SYT1: variants seen among roughly 807,000 people sequenced by gnomAD.
The protein encoded by SYT1 is synaptotagmin-1.
In SYT1, 8 loss-of-function variants were observed where a neutral mutation model predicts 44.8. That is an observed-to-expected ratio of 0.18 (90% CI 0.10 to 0.32). SYT1 has a LOEUF of 0.32. Ranked by LOEUF, SYT1 falls within the 10% of genes least tolerant of loss-of-function variation. The pLI is 1.00. For synonymous variants in SYT1, 154 were observed against 188.8 expected (o/e 0.82, Z 1.51); for missense variants, 286 against 509.3 (o/e 0.56, Z 4.22).
intron 1 of SYT1, among the ~76,000 whole-genome samples, chr12:78,875,232 G>C (rs1338780679): frequency 6.6e-6 from 1 of 151,522 alleles, no homozygotes; most frequent in Non-Finnish European, 1.5e-5. Flanking sequence ...TATTTCTTCG[G>C]TAAGTATGAT....
intron 8 of SYT1, among the ~76,000 whole-genome samples, chr12:79,341,710 C>T (rs1408203634): frequency 8.2e-6 from 1 of 122,584 alleles, no homozygotes; most frequent in Non-Finnish European, 1.6e-5. Context: ...GCTCTGTTGC[C>T]TAGGCTGGAG....
In SYT1 at chr12:79,140,708, C is replaced by T. The variant is rs145411148; in HGVS notation, c.-17-76795C>T. Among the ~76,000 whole-genome samples, 22 of 152,282 alleles carry T rather than the reference C, an allele frequency of 1.4e-4. No homozygotes were observed. In the East Asian group the frequency reaches 2.9e-3, roughly 20 times the overall value. On this transcript the variant is annotated intron_variant, in intron 3 of 10. Coordinates refer to ENST00000261205, the MANE Select transcript of SYT1 (RefSeq NM_005639.3). ...TAGGAATTGTTAGTTTTACAAGCTC[C>T]TCATACATGCTGAAGTTTGGAAATC...
In SYT1 at chr12:79,223,705, C is replaced by T. The variant is rs111513026; in HGVS notation, c.166+6020C>T. ...AACTGATACCAACCCAGTGGCGATA[C>T]ATACCAGAGATCGAGTTTGCCATAC... On this transcript the variant is annotated intron_variant, in intron 4 of 10. Coordinates refer to ENST00000261205, the MANE Select transcript of SYT1 (RefSeq NM_005639.3). Among the ~76,000 whole-genome samples the T allele has an allele frequency of 8.9e-4, 135 of 152,340 alleles. 1 individual carries two copies. Among genetic ancestry groups the T allele is most frequent in the African/African-American group, 3.1e-3 (130 of 41,580 alleles).
chr12:79,218,455 A>G (rs1182054850), intron 4 of SYT1, among the ~76,000 whole-genome samples: 1 of 152,204 alleles, frequency 6.6e-6, no homozygotes, highest in Non-Finnish European at 1.5e-5. Context: ...CATGTTGTGC[A>G]AAAGATCTCT....
At chr12:78,995,018 G>A (rs572265606) in intron 2 of SYT1, among the ~76,000 whole-genome samples, 1 of 152,188 alleles carries the variant, frequency 6.6e-6, no homozygotes, top group South Asian at 2.1e-4. Context: ...GGAAGCCAGC[G>A]ATTCTCCACC....
At chr12:79,147,523 A>G (rs1223939993) in intron 3 of SYT1, among the ~76,000 whole-genome samples, 2 of 152,230 alleles carry the variant, frequency 1.3e-5, no homozygotes, top group South Asian at 2.1e-4. Context: ...GTTCGTTACA[A>G]TAATTGTAAC....
intron 1 of SYT1, among the ~76,000 whole-genome samples, chr12:78,869,227 C>T (rs1873696218): frequency 6.6e-6 from 1 of 151,670 alleles, no homozygotes; most frequent in South Asian, 2.1e-4. Flanking sequence ...AAAAGATAAC[C>T]AGCATTTTTC....
At chr12:79,045,428 C>T (rs1291517267) in intron 2 of SYT1, 1 of 154,406 alleles carries the variant, frequency 6.5e-6, no homozygotes, top group Non-Finnish European at 1.4e-5. Flanking sequence ...AAAGGGAACT[C>T]CCTGACCCCT....
At chr12:79,323,733 G>C (rs1002783177) in intron 8 of SYT1, among the ~76,000 whole-genome samples, 1 of 151,518 alleles carries the variant, frequency 6.6e-6, no homozygotes, top group Admixed American at 6.6e-5. Context: ...TGACTTCATG[G>C]AATATTAGAT....
At chr12:79,441,850 A>G (rs1227882574) in intron 9 of SYT1, among the ~76,000 whole-genome samples, 1 of 152,300 alleles carries the variant, frequency 6.6e-6, no homozygotes, top group East Asian at 1.9e-4. Context: ...GCATCACCAT[A>G]CAGCCAAATG....
intron 1 of SYT1, among the ~76,000 whole-genome samples, chr12:78,876,632 C>G (rs549304757): frequency 7.6e-6 from 1 of 132,016 alleles, no homozygotes; most frequent in African/African-American, 2.8e-5. Context: ...TATATACACA[C>G]GTGTACACAT....
At chr12:79,361,473 A>C (rs1883312750) in intron 9 of SYT1, among the ~76,000 whole-genome samples, 1 of 152,174 alleles carries the variant, frequency 6.6e-6, no homozygotes, top group Non-Finnish European at 1.5e-5. Context: ...GCAGTTTGAA[A>C]GATGTCCAAA....
chr12:79,292,432 A>G (rs1879633542), intron 6 of SYT1, among the ~76,000 whole-genome samples: 1 of 152,160 alleles, frequency 6.6e-6, no homozygotes, highest in Non-Finnish European at 1.5e-5. Context: ...CCACAGTCTC[A>G]CCTTCTCAGC....
chr12:79,255,415 A>G (rs950222900), intron 4 of SYT1, among the ~76,000 whole-genome samples: 1 of 152,234 alleles, frequency 6.6e-6, no homozygotes, highest in Non-Finnish European at 1.5e-5. Context: ...AGTATAGTGT[A>G]AACAGAACTT....
chr12:79,431,521 T>TTTAA (rs1869782881), intron 9 of SYT1, among the ~76,000 whole-genome samples: 1 of 146,150 alleles, frequency 6.8e-6, no homozygotes, highest in African/African-American at 2.5e-5. Flanking sequence ...TTATTATTTA[T>TTTAA]TTATTTATTT....
intron 1 of SYT1, among the ~76,000 whole-genome samples, chr12:78,927,970 C>T (rs1877398494): frequency 1.3e-5 from 2 of 152,064 alleles, no homozygotes; most frequent in Admixed American, 1.3e-4. Flanking sequence ...TATTTCTCCC[C>T]GTGTTCTTCT....
chr12:79,412,316 A>C (rs549741658), intron 9 of SYT1, among the ~76,000 whole-genome samples: 1 of 152,156 alleles, frequency 6.6e-6, no homozygotes, highest in South Asian at 2.1e-4. Context: ...CTCTTCCCTT[A>C]CCAGTCAAGT....
chr12:78,930,780 A>G (rs1877589748), intron 1 of SYT1, among the ~76,000 whole-genome samples: 1 of 151,980 alleles, frequency 6.6e-6, no homozygotes, highest in African/African-American at 2.4e-5. Flanking sequence ...AACAGGTATA[A>G]GCTAAGCTTT....
At chr12:78,890,444 C>T (rs559811907) in intron 1 of SYT1, among the ~76,000 whole-genome samples, 77 of 151,868 alleles carry the variant, frequency 5.1e-4, no homozygotes, top group Non-Finnish European at 8.7e-4. Context: ...ATGTAAATGA[C>T]GAGTTAATGG....
Sources: gnomAD v4.1 joint callset for allele counts (sites outside exome capture counted in the v4.1 genomes callset) on GRCh38, gnomAD v4.1.1 for gene constraint, MANE v1.5 for transcripts, NCBI Gene and HGNC (gene_info 2026-07-23, HGNC 2026-07-21) for gene names.